The following ZNF717 variants were observed in gnomAD, a reference collection of about 807,000 sequenced individuals.
ZNF717 encodes zinc finger protein 717, also known as krueppel-like factor X17.
Under a neutral mutation model 13.8 loss-of-function variants are expected in ZNF717, and 9 were observed. The observed-to-expected ratio is 0.65, with a 90% CI of 0.39 to 1.14. The LOEUF (loss-of-function observed/expected upper bound fraction) is 1.14. Among genes scored for constraint, ZNF717 ranks in the 50% most tolerant of loss-of-function variants. The pLI is 0.01. For missense variants in ZNF717, 1,040 were observed against 1,080.7 expected (o/e 0.96, Z 0.53); for synonymous variants, 327 against 364.1 (o/e 0.90, Z 1.16).
intron 2 of ZNF717, among the ~76,000 whole-genome samples, chr3:75,765,005 A>ATGTGTG (rs1943335577): frequency 3.9e-5 from 1 of 25,782 alleles, no homozygotes; most frequent in African/African-American, 1.3e-4. Context: ...ATATATATAT[A>ATGTGTG]TATATATATA....
intron 2 of ZNF717, among the ~76,000 whole-genome samples, chr3:75,746,858 G>A (rs377557606): frequency 2.6e-5 from 4 of 152,238 alleles, no homozygotes; most frequent in East Asian, 1.9e-4. Flanking sequence ...GCAAAAGCTC[G>A]TTAGTTTAAT....
chr3:75,704,847 C>A (rs79750480), downstream of ZNF717, among the ~76,000 whole-genome samples: 1 of 152,380 alleles, frequency 6.6e-6, no homozygotes, highest in East Asian at 1.9e-4. Context: ...GCCACTGGTC[C>A]AAGTGACACT....
chr3:75,759,870 T>C (rs1942825690), intron 2 of ZNF717, among the ~76,000 whole-genome samples: 1 of 151,954 alleles, frequency 6.6e-6, no homozygotes, highest in Non-Finnish European at 1.5e-5. Flanking sequence ...TACCCGGCAA[T>C]TTTTAAATAT....
chr3:75,763,022 C>T (rs761054403), intron 2 of ZNF717, among the ~76,000 whole-genome samples: 10 of 152,234 alleles, frequency 6.6e-5, no homozygotes, highest in East Asian at 1.9e-4. Context: ...TCTTACCTTA[C>T]ACCACGTTAA....
At chr3:75,704,530 G>T (rs1559566915) in intron 6 of ZNF717, among the ~76,000 whole-genome samples, 1 of 152,310 alleles carries the variant, frequency 6.6e-6, no homozygotes, top group Non-Finnish European at 1.5e-5. Flanking sequence ...GAGAGACTCA[G>T]CCCCAAAAGT....
At chr3:75,709,302 C>T (rs1268742669), downstream of ZNF717, among the ~76,000 whole-genome samples, 2 of 152,012 alleles carry the variant, frequency 1.3e-5, no homozygotes, top group Non-Finnish European at 2.9e-5. Context: ...ACCCAGCCTC[C>T]ACACACTTTT....
Position 75,771,617 on chromosome 3 carries a change from G to A in ZNF717, c.57+11689C>T, listed in dbSNP as rs72896676. Among the ~76,000 whole-genome samples, 1,446 of 152,002 alleles carry A rather than the reference G, an allele frequency of 9.5e-3. 12 individuals are homozygous for A. The highest frequency in any genetic ancestry group is 0.034 in the African/African-American group (1,397 of 41,516). ...GGACCCCTTTGTGATGTCAGCAGGCGCCCAAGTGGAGCAGTCGCTACGGAG... is the reference window on the plus strand; with the variant it reads ...GGACCCCTTTGTGATGTCAGCAGGCACCCAAGTGGAGCAGTCGCTACGGAG... On this transcript the variant is annotated intron_variant, in intron 2 of 4. Transcript: ENST00000652011.
chr3:75,721,673 T>C (rs1285619957), intron 4 of ZNF717, among the ~76,000 whole-genome samples: 1 of 152,220 alleles, frequency 6.6e-6, no homozygotes, highest in Admixed American at 6.5e-5. Context: ...ATAACTTTTT[T>C]TTCTGCAGGG....
At chr3:75,701,564 T>C (rs1575711156) in intron 6 of ZNF717, among the ~76,000 whole-genome samples, 1 of 152,256 alleles carries the variant, frequency 6.6e-6, no homozygotes, top group South Asian at 2.1e-4. Flanking sequence ...TGCGGGCAGG[T>C]GCCTGTAATC....
intron 2 of ZNF717, among the ~76,000 whole-genome samples, chr3:75,777,879 A>AATGGGAGTG (rs1944458520): frequency 6.6e-6 from 1 of 151,442 alleles, no homozygotes; most frequent in Non-Finnish European, 1.5e-5. Flanking sequence ...AACCCAAAAC[A>AATGGGAGTG]ATGGGAGTGA....
intron 2 of ZNF717, among the ~76,000 whole-genome samples, chr3:75,780,781 C>T (rs1206299753): frequency 6.6e-6 from 1 of 152,230 alleles, no homozygotes; most frequent in Admixed American, 6.5e-5. Flanking sequence ...ACAGACCAAA[C>T]CAAACCAAAA....
At chr3:75,733,093 G>A (rs1575737817), downstream of ZNF717, among the ~76,000 whole-genome samples, 1 of 152,170 alleles carries the variant, frequency 6.6e-6, no homozygotes, top group Non-Finnish European at 1.5e-5. Flanking sequence ...CCTGAAGAAT[G>A]TCTTTGATTG....
At chr3:75,699,482 T>C (rs11708015) in intron 6 of ZNF717, among the ~76,000 whole-genome samples, 16,231 of 112,838 alleles carry the variant, frequency 0.14, no homozygotes, top group Non-Finnish European at 0.21. Flanking sequence ...TTGGCATCAT[T>C]TCCTTTGGTG....
intron 6 of ZNF717, among the ~76,000 whole-genome samples, chr3:75,703,731 CAAAG>C: frequency 6.6e-6 from 1 of 152,312 alleles, no homozygotes. Context: ...ACAAAATGCA[CAAAG>C]TTCCTAAGAA....
chr3:75,733,584 C>T (rs1395928381), downstream of ZNF717, among the ~76,000 whole-genome samples: 3 of 146,290 alleles, frequency 2.1e-5, no homozygotes, highest in African/African-American at 7.7e-5. Context: ...CGAGACCACT[C>T]TGGCTAACAC....
chr3:75,749,464 T>C (rs1207371121), intron 2 of ZNF717, among the ~76,000 whole-genome samples: 2 of 151,950 alleles, frequency 1.3e-5, no homozygotes, highest in Non-Finnish European at 2.9e-5. Flanking sequence ...TCACATACGA[T>C]TCCGGAACAC....
chr3:75,745,399 A>G (rs1313164528), intron 2 of ZNF717, among the ~76,000 whole-genome samples: 2 of 152,014 alleles, frequency 1.3e-5, no homozygotes, highest in African/African-American at 2.4e-5. Flanking sequence ...TATGTGAGGG[A>G]AAAAGTACGC....
intron 2 of ZNF717, among the ~76,000 whole-genome samples, chr3:75,755,662 GA>G (rs1324183739): frequency 6.6e-6 from 1 of 152,172 alleles, no homozygotes; most frequent in Non-Finnish European, 1.5e-5. Context: ...TATGAAAGTG[GA>G]CTTGAATTGG....
At chr3:75,748,035 C>CA (rs1260667472) in intron 2 of ZNF717, among the ~76,000 whole-genome samples, 1 of 152,138 alleles carries the variant, frequency 6.6e-6, no homozygotes, top group Non-Finnish European at 1.5e-5. Context: ...CACAGAAATA[C>CA]AAACTACCAT....
Sources: allele counts gnomAD v4.1 joint callset (sites outside exome capture counted in the v4.1 genomes callset), GRCh38; gene constraint gnomAD v4.1.1; transcripts MANE v1.5; gene names NCBI Gene and HGNC (gene_info 2026-07-23, HGNC 2026-07-21).